Variants in ADAMTS14 observed in about 807,000 individuals in gnomAD.
ADAMTS14 encodes ADAM metallopeptidase with thrombospondin type 1 motif 14.
Under a neutral mutation model 128.6 loss-of-function variants are expected in ADAMTS14, and 100 were observed. The observed-to-expected ratio is 0.78, with a 90% confidence interval of 0.66 to 0.92. ADAMTS14 has a LOEUF of 0.92. ADAMTS14 is among the 40% of genes least tolerant of loss of function. ADAMTS14 has a pLI of 0.00. For missense variants in ADAMTS14, 1,562 were observed against 1,658.6 expected, an observed-to-expected ratio of 0.94 and a Z score of 1.01; for synonymous variants, 665 against 653.8, an observed-to-expected ratio of 1.02 and a Z score of -0.26.
chr10:70,732,643 G>C (rs371801696), intron 7 of ADAMTS14, among the ~76,000 whole-genome samples: 3 of 152,218 alleles, frequency 2.0e-5, no homozygotes, highest in African/African-American at 7.2e-5. Context: ...CCCTGCCTTT[G>C]GGTGGGTCAG....
At chr10:70,714,235 T>C (rs947567893) in intron 4 of ADAMTS14, among the ~76,000 whole-genome samples, 1 of 152,184 alleles carries the variant, frequency 6.6e-6, no homozygotes, top group Admixed American at 6.5e-5. Context: ...ATTATTAGTA[T>C]TGTTTTTGAG....
chr10:70,755,327 AAAAG>A (rs1354941966), intron 19 of ADAMTS14, among the ~76,000 whole-genome samples: 19 of 151,910 alleles, frequency 1.3e-4, no homozygotes, highest in Non-Finnish European at 2.7e-4. Flanking sequence ...AAAAAAAAAA[AAAAG>A]AAAAGAAATA....
chr10:70,702,504 T>G (rs769348110), intron 3 of ADAMTS14, 36 bp downstream of exon 3: 14 of 1,566,724 alleles, frequency 8.9e-6, no homozygotes, highest in Non-Finnish European at 1.2e-5. Context: ...GCTGCTTCTC[T>G]CCCTACCTCT....
At chr10:70,748,085 C>T (rs1842238767) in intron 15 of ADAMTS14, among the ~76,000 whole-genome samples, 1 of 152,006 alleles carries the variant, frequency 6.6e-6, no homozygotes, top group Non-Finnish European at 1.5e-5. Context: ...ATGCGCTGGG[C>T]CATGAGCTGC....
chr10:70,712,558 T>C (rs1322009327), intron 4 of ADAMTS14, among the ~76,000 whole-genome samples: 1 of 152,154 alleles, frequency 6.6e-6, no homozygotes, highest in African/African-American at 2.4e-5. Flanking sequence ...AATTTTATAA[T>C]GAATGTGCAA....
At position 70,672,625 on chromosome 10, in the gene ADAMTS14, G is replaced by C. The variant is rs1028624845; in HGVS notation, c.-178G>C. Among the ~76,000 whole-genome samples, 8 of 151,708 alleles carry C rather than the reference G, an allele frequency of 5.3e-5. No individual in the cohort carries two copies. The highest frequency in any genetic ancestry group is 1.2e-4 in the African/African-American group (5 of 41,392). On this transcript the variant is annotated 5_prime_UTR_variant, in exon 1 of 22. Transcript: ENST00000373207. ...CGGAGCCAGCGGTCCAGGCGGCGGC[G>C]CCGCGCAGGGGACCCGGAGCAGGCG...
chr10:70,749,859 C>T lies in ADAMTS14; in HGVS notation c.2301C>T (p.Asn767=). The T allele has an allele frequency of 6.2e-7, 1 of 1,614,072 alleles. No homozygotes were observed. Among genetic ancestry groups the T allele is most frequent in the Non-Finnish European group, 8.5e-7 (1 of 1,180,026 alleles). ...AGGTCACCGGCAGCTTCATCCTCAA[C>T]CCCAAGGGCAAGGAAGCCACAAGCC... The part of the protein sequence containing the change: ...KNQVTGSFIL[N]PKGKEATSRT... Residue 767 remains asparagine (N), a synonymous_variant, in exon 16 of 22, where the codon AAC becomes AAT. Transcript: ENST00000373207.
At chr10:70,672,984 G>T (rs1211247529) in intron 1 of ADAMTS14, 100 bp downstream of exon 1, 1 of 1,336,266 alleles carries the variant, frequency 7.5e-7, no homozygotes, top group Non-Finnish European at 9.5e-7. Context: ...GTTCCCGCGG[G>T]TGGGAGGCAG....
intron 10 of ADAMTS14, among the ~76,000 whole-genome samples, chr10:70,737,421 A>G (rs896703197): frequency 6.6e-6 from 1 of 152,184 alleles, no homozygotes; most frequent in Admixed American, 6.5e-5. Context: ...CTGACTCGCC[A>G]ACACCTGACC....
rs1343866886 is a variant in ADAMTS14, at chr10:70,734,002, C to G, written c.1326C>G (p.Ser442Arg). The G allele has an allele frequency of 6.2e-7, 1 of 1,613,620 alleles. No homozygotes were observed. Among genetic ancestry groups the G allele is most frequent in the Admixed American group, 1.7e-5 (1 of 60,016 alleles). Residue 442 changes from serine (S) to arginine (R), a missense_variant, in exon 8 of 22, where the codon AGC becomes AGG. Coordinates refer to ENST00000373207, the MANE Select transcript of ADAMTS14 (RefSeq NM_080722.4). ...ACCGCTTCCATTGGTCCCGCTGCAG[C>G]AAGCTGGAGCTCAGCCGCTACCTCC... ...AFHRFHWSRC[S>R]KLELSRYLPS...
At chr10:70,678,159 C>G (rs1053799129) in intron 2 of ADAMTS14, among the ~76,000 whole-genome samples, 1 of 152,170 alleles carries the variant, frequency 6.6e-6, no homozygotes, top group African/African-American at 2.4e-5. Flanking sequence ...GAGTCATAGG[C>G]GGAGATACGA....
chr10:70,706,198 T>A (rs965911758), intron 3 of ADAMTS14, among the ~76,000 whole-genome samples: 19 of 152,288 alleles, frequency 1.2e-4, no homozygotes, highest in Middle Eastern at 3.4e-3. Flanking sequence ...TCCTCCCCAA[T>A]TCCCCAGAAA....
At position 70,761,079 on chromosome 10, in the gene ADAMTS14, C is replaced by T. The variant is rs41278004; in HGVS notation, c.*226C>T. The T allele has an allele frequency of 0.066, 40,618 of 612,242 alleles. 1,612 individuals are homozygous for T. Among genetic ancestry groups the T allele is most frequent in the South Asian group, 0.098 (2,808 of 28,744 alleles). The allele number at this position is 612,242 out of a possible 1,614,324, so 37.9% of individuals were successfully genotyped here. On this transcript the variant is annotated 3_prime_UTR_variant, in exon 22 of 22. Coordinates refer to ENST00000373207, the MANE Select transcript of ADAMTS14 (RefSeq NM_080722.4). The stretch of plus-strand genomic sequence containing the variant: ...CGGAGATACCTCAGCAAGCTGCCCC[C>T]GGCGGGACTGACCCTCTCAGGGCCC...
intron 10 of ADAMTS14, 65 bp downstream of exon 10, chr10:70,736,858 G>T: frequency 6.9e-7 from 1 of 1,450,536 alleles, no homozygotes; most frequent in South Asian, 1.2e-5. Flanking sequence ...ACTGGCATGG[G>T]GGTGGATCCC....
At chr10:70,749,328 A>G (rs1842278255) in intron 15 of ADAMTS14, among the ~76,000 whole-genome samples, 1 of 152,164 alleles carries the variant, frequency 6.6e-6, no homozygotes, top group African/African-American at 2.4e-5. Flanking sequence ...TACAATGATC[A>G]TTCCCATTCT....
intron 2 of ADAMTS14, among the ~76,000 whole-genome samples, chr10:70,684,819 C>G (rs1389841886): frequency 6.6e-6 from 1 of 152,028 alleles, no homozygotes; most frequent in Non-Finnish European, 1.5e-5. Flanking sequence ...GGGCCGCTGT[C>G]TGTCTGAGCA....
At chr10:70,699,873 C>T (rs1196930345) in intron 2 of ADAMTS14, among the ~76,000 whole-genome samples, 3 of 152,058 alleles carry the variant, frequency 2.0e-5, no homozygotes, top group South Asian at 2.1e-4. Context: ...GCTTGAGAGG[C>T]GTGATGGACC....
chr10:70,747,481 G>A (rs558697728), intron 15 of ADAMTS14, among the ~76,000 whole-genome samples: 1 of 152,274 alleles, frequency 6.6e-6, no homozygotes, highest in South Asian at 2.1e-4. Flanking sequence ...AGGGGCCGGG[G>A]GAGGGAAGGG....
chr10:70,741,279 G>A, intron 12 of ADAMTS14, 117 bp downstream of exon 12: 1 of 1,255,618 alleles, frequency 8.0e-7, no homozygotes, highest in Non-Finnish European at 1.1e-6. Context: ...GGACAGTGGG[G>A]GTGCCAAAAG....
Sources: gnomAD v4.1 joint callset for allele counts (sites outside exome capture counted in the v4.1 genomes callset) on GRCh38, gnomAD v4.1.1 for gene constraint, MANE v1.5 for transcripts, NCBI Gene and HGNC (gene_info 2026-07-23, HGNC 2026-07-21) for gene names.